CPNE4: variants seen among roughly 807,000 people sequenced by gnomAD.
The protein encoded by CPNE4 is copine-4.
CPNE4 carries 25 observed loss-of-function variants against 67.9 expected under a neutral mutation model. The observed-to-expected ratio is 0.37, with a 90% CI of 0.27 to 0.51. The LOEUF is 0.51. Ranked by LOEUF, CPNE4 falls within the 20% of genes least tolerant of loss-of-function variation. CPNE4 has a pLI of 0.93. For missense variants in CPNE4, 464 were observed against 690.8 expected (o/e 0.67, Z 3.68); for synonymous variants, 242 against 244.9 (o/e 0.99, Z 0.11).
intron 2 of CPNE4, among the ~76,000 whole-genome samples, chr3:131,801,354 CCAT>C (rs1183019579): frequency 4.9e-5 from 3 of 61,076 alleles, no homozygotes; most frequent in Non-Finnish European, 1.0e-4. Context: ...TATATATGTA[CCAT>C]ATATATATAT....
At chr3:131,660,704 TCA>T (rs1242972644) in intron 7 of CPNE4, among the ~76,000 whole-genome samples, 1 of 152,198 alleles carries the variant, frequency 6.6e-6, no homozygotes, top group African/African-American at 2.4e-5. Context: ...TTTGTTAGTC[TCA>T]GTTTTCCCAT....
rs1461025996 is a variant in CPNE4 at position 132,034,878 on chromosome 3, AGAG to A, written c.-316_-314del. ...GGCTCTCAGTTAACTCGGAGAGTAA[AGAG>A]GAGGGTACTGAGAAAAGAGGGAGGG... On this transcript the variant is annotated 5_prime_UTR_variant, in exon 1 of 16. Coordinates refer to ENST00000429747, the MANE Select transcript of CPNE4 (RefSeq NM_130808.3). 2.0e-6 allele frequency: 2 copies of A among 985,216 alleles called. No individual in the cohort carries two copies. Among genetic ancestry groups the A allele is most frequent in the African/African-American group, 3.5e-5 (2 of 57,150 alleles). 61.0% of individuals were successfully genotyped at this position (985,216 alleles called of 1,614,324 possible).
At position 131,728,664 on chromosome 3, in the gene CPNE4, A is replaced by T. The variant is rs529782107; in HGVS notation, c.181-5039T>A. On this transcript the variant is annotated intron_variant, in intron 2 of 15. Coordinates refer to ENST00000429747, the MANE Select transcript of CPNE4 (RefSeq NM_130808.3). ...AGTGGCTCACGCCTATAATCCCAGC[A>T]CTTTGGGAGGCCGAGGCGGGCGGAT... Among the ~76,000 whole-genome samples, 14 of 152,086 alleles carry T rather than the reference A, an allele frequency of 9.2e-5. No homozygotes were observed. The South Asian group carries it at 2.9e-3, about 32-fold the overall frequency.
chr3:131,972,217 T>G (rs2072522053), intron 1 of CPNE4, among the ~76,000 whole-genome samples: 1 of 152,194 alleles, frequency 6.6e-6, no homozygotes, highest in Non-Finnish European at 1.5e-5. Context: ...ATGAAAATAC[T>G]AAGGGTTACA....
At chr3:131,886,113 TAGG>T (rs1176474793) in intron 2 of CPNE4, among the ~76,000 whole-genome samples, 1 of 152,138 alleles carries the variant, frequency 6.6e-6, no homozygotes, top group African/African-American at 2.4e-5. Context: ...CCTGAAGGCC[TAGG>T]AGGAAGAAGT....
At chr3:131,839,758 T>C (rs2085701328) in intron 2 of CPNE4, among the ~76,000 whole-genome samples, 1 of 152,130 alleles carries the variant, frequency 6.6e-6, no homozygotes, top group South Asian at 2.1e-4. Flanking sequence ...AAAAAGACTA[T>C]TGGCTTGAAA....
intron 5 of CPNE4, among the ~76,000 whole-genome samples, chr3:131,694,080 G>A (rs1341837175): frequency 6.6e-6 from 1 of 152,082 alleles, no homozygotes; most frequent in Non-Finnish European, 1.5e-5. Context: ...GGAGATCCAG[G>A]CAGGCATCCT....
At chr3:131,757,927 C>G (rs951253421) in intron 2 of CPNE4, among the ~76,000 whole-genome samples, 7 of 152,194 alleles carry the variant, frequency 4.6e-5, no homozygotes, top group Non-Finnish European at 8.8e-5. Flanking sequence ...GTTGAGCCTA[C>G]AGTTGCACAG....
At chr3:131,808,537 G>A (rs143576790) in intron 2 of CPNE4, among the ~76,000 whole-genome samples, 9 of 152,056 alleles carry the variant, frequency 5.9e-5, no homozygotes, top group Non-Finnish European at 2.9e-5. Flanking sequence ...AAAGATGGGA[G>A]ATAATTATTT....
chr3:131,852,146 GTACT>G (rs974648541), intron 2 of CPNE4, among the ~76,000 whole-genome samples: 7 of 152,014 alleles, frequency 4.6e-5, no homozygotes, highest in African/African-American at 1.4e-4. Flanking sequence ...TATTTTCTAT[GTACT>G]TACAGAGTAT....
chr3:131,774,723 C>A (rs1006752462), intron 2 of CPNE4, among the ~76,000 whole-genome samples: 1 of 152,086 alleles, frequency 6.6e-6, no homozygotes, highest in African/African-American at 2.4e-5. Flanking sequence ...CTGGGGAGAC[C>A]CTTTGCTGCC....
chr3:131,844,610 T>C (rs2085925410), intron 2 of CPNE4, among the ~76,000 whole-genome samples: 1 of 152,188 alleles, frequency 6.6e-6, no homozygotes, highest in South Asian at 2.1e-4. Context: ...GTCCAGTGTG[T>C]TCACCAGACT....
chr3:131,684,669 G>T (rs1050186823), intron 6 of CPNE4, among the ~76,000 whole-genome samples: 1 of 152,132 alleles, frequency 6.6e-6, no homozygotes, highest in African/African-American at 2.4e-5. Context: ...TGAAAGTCAT[G>T]GGGGTTTCTT....
At chr3:131,676,280 A>G (rs922507205) in intron 6 of CPNE4, among the ~76,000 whole-genome samples, 16 of 152,084 alleles carry the variant, frequency 1.1e-4, no homozygotes, top group African/African-American at 3.9e-4. Context: ...GCTGGTGTCC[A>G]ACTCCTGGTC....
chr3:131,648,540 G>A (rs2079725739), intron 7 of CPNE4, among the ~76,000 whole-genome samples: 1 of 152,188 alleles, frequency 6.6e-6, no homozygotes, highest in South Asian at 2.1e-4. Context: ...ATTTATATAT[G>A]ACTGAAAGAA....
chr3:131,717,959 CTTTCTT>C (rs1325561160), intron 3 of CPNE4, among the ~76,000 whole-genome samples: 1 of 146,068 alleles, frequency 6.8e-6, no homozygotes, highest in African/African-American at 2.6e-5. Context: ...TTCTTTCTCT[CTTTCTT>C]TCTCTCTCTC....
chr3:131,586,024 A>G (rs1179666941), intron 8 of CPNE4, among the ~76,000 whole-genome samples: 1 of 152,118 alleles, frequency 6.6e-6, no homozygotes, highest in Admixed American at 6.5e-5. Flanking sequence ...CATTCAGATT[A>G]AGTTTCTGAC....
At chr3:131,763,794 C>G (rs1457040852) in intron 2 of CPNE4, among the ~76,000 whole-genome samples, 3 of 151,966 alleles carry the variant, frequency 2.0e-5, no homozygotes, top group Admixed American at 2.0e-4. Context: ...GATCAAGCAA[C>G]TTAATACTTA....
chr3:131,936,078 C>T (rs2071210361), intron 1 of CPNE4, among the ~76,000 whole-genome samples: 1 of 151,674 alleles, frequency 6.6e-6, no homozygotes, highest in South Asian at 2.1e-4. Context: ...CTCATTGATG[C>T]ATAAATCAAC....
Sources: allele counts gnomAD v4.1 joint callset (sites outside exome capture counted in the v4.1 genomes callset), GRCh38; gene constraint gnomAD v4.1.1; transcripts MANE v1.5; gene names NCBI Gene and HGNC (gene_info 2026-07-23, HGNC 2026-07-21).